SLC44A5: variants seen among roughly 807,000 people sequenced by gnomAD.
The protein encoded by SLC44A5 is solute carrier family 44 member 5.
SLC44A5 carries 57 observed loss-of-function variants against 101.8 expected under a neutral mutation model. The observed-to-expected ratio is 0.56, with a 90% CI of 0.45 to 0.70. The LOEUF (loss-of-function observed/expected upper bound fraction) is 0.70, where lower values mean the gene tolerates loss of function less well. SLC44A5 is among the 30% of genes least tolerant of loss of function. The pLI is 0.00. For missense variants in SLC44A5, 737 were observed against 853.1 expected, an observed-to-expected ratio of 0.86 and a Z score of 1.70; for synonymous variants, 281 against 290.9, an observed-to-expected ratio of 0.97 and a Z score of 0.35.
intron 7 of SLC44A5, among the ~76,000 whole-genome samples, chr1:75,247,513 TG>T (rs1181702234): frequency 2.0e-5 from 3 of 152,072 alleles, no homozygotes; most frequent in African/African-American, 7.2e-5. Flanking sequence ...AGCAAGTAGA[TG>T]GTGTTAAACC....
intron 5 of SLC44A5, among the ~76,000 whole-genome samples, chr1:75,280,442 A>ACTATATATTATATATATATT (rs1557614237): frequency 2.9e-4 from 7 of 23,844 alleles, no homozygotes; most frequent in African/African-American, 1.8e-3. Context: ...TATTATATAT[A>ACTATATATTATATATATATT]GTATATATTA....
At position 75,417,064 on chromosome 1, in the gene SLC44A5, C is replaced by T. The variant is rs566272893; in HGVS notation, c.14-20443G>A. On this transcript the variant is annotated intron_variant, in intron 2 of 23. Transcript: ENST00000370859. ...TGATTGGTTTTGAAATGTGAAGCTA[C>T]GAGATTTGGGAAGGGCCAAAACGAT... 7.9e-5 allele frequency among the ~76,000 whole-genome samples: 12 copies of T among 152,182 alleles called. No individual in the cohort carries two copies. In the South Asian group the frequency reaches 1.5e-3, roughly 18 times the overall value.
At chr1:75,577,045 GC>G (rs1255454376) in intron 1 of SLC44A5, among the ~76,000 whole-genome samples, 1 of 152,136 alleles carries the variant, frequency 6.6e-6, no homozygotes, top group Non-Finnish European at 1.5e-5. Flanking sequence ...ATGATTCAGA[GC>G]AAAGCCCTGC....
At chr1:75,479,231 G>A (rs577302627) in intron 2 of SLC44A5, among the ~76,000 whole-genome samples, 2 of 152,118 alleles carry the variant, frequency 1.3e-5, no homozygotes. Flanking sequence ...ATACCAGAAT[G>A]TCTGGGACAT....
At chr1:75,661,912 T>C in the SLC44A5 span, among the ~76,000 whole-genome samples, 8 of 152,072 alleles carry the variant, frequency 5.3e-5, no homozygotes, top group African/African-American at 1.9e-4. Context: ...TGTAAATTAG[T>C]ATAGCCACTA....
intron 6 of SLC44A5, among the ~76,000 whole-genome samples, chr1:75,273,835 T>C (rs575279459): frequency 2.0e-3 from 297 of 152,198 alleles, no homozygotes; most frequent in African/African-American, 6.6e-3. Context: ...GGTCTGTAGG[T>C]TTCATTTTTG....
At chr1:75,266,643 A>T (rs1282990108) in intron 6 of SLC44A5, among the ~76,000 whole-genome samples, 1 of 152,210 alleles carries the variant, frequency 6.6e-6, no homozygotes, top group African/African-American at 2.4e-5. Context: ...ACCTGATCAG[A>T]TCTTTAAGCT....
intron 6 of SLC44A5, among the ~76,000 whole-genome samples, chr1:75,266,039 A>T (rs1470910974): frequency 1.3e-5 from 2 of 152,158 alleles, no homozygotes; most frequent in Admixed American, 6.5e-5. Context: ...TCGCTGTTTC[A>T]TCTCTTTGGA....
intron 4 of SLC44A5, among the ~76,000 whole-genome samples, chr1:75,305,798 T>C (rs944190182): frequency 3.3e-5 from 5 of 151,194 alleles, no homozygotes; most frequent in Non-Finnish European, 7.4e-5. Context: ...CATTCTATAC[T>C]AAAATCCTAT....
chr1:75,342,339 G>A (rs1048799226), intron 3 of SLC44A5, among the ~76,000 whole-genome samples: 2 of 152,148 alleles, frequency 1.3e-5, no homozygotes, highest in African/African-American at 4.8e-5. Flanking sequence ...ACTTCTCTGA[G>A]CACTGCAATG....
intron 4 of SLC44A5, among the ~76,000 whole-genome samples, chr1:75,309,655 T>A (rs534257015): frequency 6.6e-6 from 1 of 152,306 alleles, no homozygotes; most frequent in Non-Finnish European, 1.5e-5. Flanking sequence ...GAAAGAAAAT[T>A]AACAAATCTG....
the SLC44A5 span, among the ~76,000 whole-genome samples, chr1:75,674,665 A>G: frequency 6.6e-6 from 1 of 152,150 alleles, no homozygotes; most frequent in East Asian, 1.9e-4. Flanking sequence ...TACAGGCATG[A>G]GCCACCTCAC....
chr1:75,356,164 G>A lies in SLC44A5; in HGVS notation c.53-16534C>T, dbSNP rs537232607. On this transcript the variant is annotated intron_variant, in intron 3 of 23. Transcript: ENST00000370859. ...GGAGGCACAGGTTGCAGTGAGCTGA[G>A]ATAGTGCTACTGCACTCCAGCCTGG... 2.3e-3 allele frequency among the ~76,000 whole-genome samples: 303 copies of A among 132,162 alleles called. 2 individuals are homozygous for A. The highest frequency in any genetic ancestry group is 8.1e-3 in the African/African-American group (289 of 35,844). The allele number at this position is 132,162 out of a possible 152,430, so 86.7% of individuals were successfully genotyped here. A position where few individuals can be genotyped will look rare whatever the true frequency, so the allele number is the denominator to read the frequency against.
At chr1:75,615,720 C>G (rs1001001749), upstream of SLC44A5, 7 of 458,932 alleles carry the variant, frequency 1.5e-5, no homozygotes, top group Non-Finnish European at 2.0e-5. Context: ...CCCACCCCCT[C>G]CCCGGACACG....
At chr1:75,471,792 T>G (rs1667126658) in intron 2 of SLC44A5, among the ~76,000 whole-genome samples, 1 of 152,014 alleles carries the variant, frequency 6.6e-6, no homozygotes, top group African/African-American at 2.4e-5. Context: ...TACCTATGCC[T>G]AGAGAAGATC....
At chr1:75,492,086 G>A (rs895036848) in intron 2 of SLC44A5, among the ~76,000 whole-genome samples, 2 of 152,048 alleles carry the variant, frequency 1.3e-5, no homozygotes, top group Admixed American at 6.6e-5. Flanking sequence ...GGGATGTGCC[G>A]GGCCCTGCAG....
intron 5 of SLC44A5, among the ~76,000 whole-genome samples, chr1:75,281,883 T>C (rs1652622929): frequency 6.6e-6 from 1 of 152,136 alleles, no homozygotes; most frequent in African/African-American, 2.4e-5. Flanking sequence ...AGGCAGAAGT[T>C]TGCTTTGGAG....
At chr1:75,687,391 C>T in the SLC44A5 span, among the ~76,000 whole-genome samples, 36,149 of 152,090 alleles carry the variant, frequency 0.24, 4,651 homozygotes, top group Non-Finnish European at 0.3. Context: ...TCAACCTCCA[C>T]CTCCTGGGTT....
chr1:75,367,149 C>G (rs1025573487), intron 3 of SLC44A5, among the ~76,000 whole-genome samples: 2 of 152,272 alleles, frequency 1.3e-5, no homozygotes, highest in Admixed American at 6.5e-5. Context: ...GAGATAAAGA[C>G]CTCTTTCAGT....
Sources: allele counts gnomAD v4.1 joint callset (sites outside exome capture counted in the v4.1 genomes callset), GRCh38; gene constraint gnomAD v4.1.1; transcripts MANE v1.5; gene names NCBI Gene and HGNC (gene_info 2026-07-23, HGNC 2026-07-21).